DERL2: variants seen among roughly 807,000 people sequenced by gnomAD.
The protein encoded by DERL2 is derlin 2.
A neutral mutation model predicts 32.0 loss-of-function variants in DERL2; 13 were observed. The ratio of observed to expected loss-of-function variants is 0.41; its 90% CI spans 0.26 to 0.65. The LOEUF is 0.65. Ranked by LOEUF, DERL2 falls within the 30% of genes least tolerant of loss-of-function variation. The pLI is 0.35. For synonymous variants in DERL2, 111 were observed against 104.7 expected, an observed-to-expected ratio of 1.06 and a Z score of -0.37; for missense variants, 208 against 296.3, an observed-to-expected ratio of 0.70 and a Z score of 2.19.
At chr17:5,483,564 A>C (rs1423663597) in intron 2 of DERL2, among the ~76,000 whole-genome samples, 1 of 152,162 alleles carries the variant, frequency 6.6e-6, no homozygotes, top group Admixed American at 6.5e-5. Context: ...TCAATTGTAG[A>C]GTGCTTAACG....
rs982077895 is a variant in DERL2, at chr17:5,472,819, T to C, written c.*1865A>G. 6.6e-6 allele frequency: 1 copy of C among 151,518 alleles called. No homozygotes were observed. The highest frequency in any genetic ancestry group is 2.4e-5 in the African/African-American group (1 of 41,300). The allele number at this position is 151,518 out of a possible 1,614,324, so 9.4% of individuals were successfully genotyped here. On this transcript the variant is annotated 3_prime_UTR_variant, in exon 7 of 7. Transcript: ENST00000158771. ...ACAAAATTCTAACAAACGTCACTGA[T>C]AAAGCGTTCTTGAGCAAAAACAAGA...
chr17:5,484,086 T>G (rs1195295225), intron 2 of DERL2, among the ~76,000 whole-genome samples: 1 of 152,214 alleles, frequency 6.6e-6, no homozygotes, highest in African/African-American at 2.4e-5. Flanking sequence ...ACACAAAAGC[T>G]GCGTTTTGAA....
At position 5,472,153 on chromosome 17, in the gene DERL2, G is replaced by T. The variant is rs758669905; in HGVS notation, c.*2531C>A. Reference sequence around the variant, plus strand: ...ATTTATTTTTAAATGAACGTATACCGTATTTCCATAACAAACAAAAAACAC... The same window carrying T: ...ATTTATTTTTAAATGAACGTATACCTTATTTCCATAACAAACAAAAAACAC... On this transcript the variant is annotated 3_prime_UTR_variant, in exon 7 of 7. Coordinates refer to ENST00000158771, the MANE Select transcript of DERL2 (RefSeq NM_016041.5). The T allele has an allele frequency of 1.3e-5, 2 of 152,180 alleles. No homozygotes were observed. The highest frequency in any genetic ancestry group is 2.1e-4 in the South Asian group (1 of 4,824). 9.4% of individuals were successfully genotyped at this position (152,180 alleles called of 1,614,324 possible). A position where few individuals can be genotyped will look rare whatever the true frequency, so the allele number is the denominator to read the frequency against.
At chr17:5,484,516 G>A (rs1424365947) in intron 2 of DERL2, among the ~76,000 whole-genome samples, 1 of 152,232 alleles carries the variant, frequency 6.6e-6, no homozygotes, top group Non-Finnish European at 1.5e-5. Flanking sequence ...CCAAAGTGCT[G>A]GGATTACAGG....
chr17:5,482,722 A>T, intron 3 of DERL2, 87 bp downstream of exon 3: 1 of 768,350 alleles, frequency 1.3e-6, no homozygotes, highest in Non-Finnish European at 2.2e-6. Context: ...ATGGTACCAA[A>T]AACAAGTAAC....
chr17:5,482,311 G>T (rs1347069740), intron 3 of DERL2: 1 of 157,372 alleles, frequency 6.4e-6, no homozygotes, highest in Non-Finnish European at 1.4e-5. Context: ...AATTACCATT[G>T]GATCAGAGCT....
intron 6 of DERL2, among the ~76,000 whole-genome samples, chr17:5,476,552 A>T (rs1905391270): frequency 1.3e-5 from 2 of 151,944 alleles, no homozygotes; most frequent in South Asian, 2.1e-4. Flanking sequence ...GAGGCCGAGG[A>T]GGGTGGATCA....
At chr17:5,486,206 C>T (rs375059248), upstream of DERL2, 537 of 1,238,536 alleles carry the variant, frequency 4.3e-4, 3 homozygotes, top group Middle Eastern at 9.7e-3. Flanking sequence ...CCCCATTTCC[C>T]CTTCCGCCAG....
Position 5,473,557 on chromosome 17 carries a change from T to C in DERL2, c.*1127A>G, listed in dbSNP as rs1179643659. Reference sequence around the variant, plus strand: ...TGTTCGTCTGGCTCCAAAGTCAACATTCTAACTTGGTTTCCAAATCTAATG... The same window carrying C: ...TGTTCGTCTGGCTCCAAAGTCAACACTCTAACTTGGTTTCCAAATCTAATG... On this transcript the variant is annotated 3_prime_UTR_variant, in exon 7 of 7. Coordinates refer to ENST00000158771, the MANE Select transcript of DERL2 (RefSeq NM_016041.5). 1 of 151,860 alleles carries C rather than the reference T, an allele frequency of 6.6e-6. No individual in the cohort carries two copies. Among genetic ancestry groups the C allele is most frequent in the African/African-American group, 2.4e-5 (1 of 41,392 alleles). 9.4% of individuals were successfully genotyped at this position (151,860 alleles called of 1,614,324 possible). A position where few individuals can be genotyped will look rare whatever the true frequency, so the allele number is the denominator to read the frequency against.
chr17:5,479,213 C>T (rs907957387), intron 6 of DERL2, among the ~76,000 whole-genome samples: 2 of 152,224 alleles, frequency 1.3e-5, no homozygotes, highest in African/African-American at 2.4e-5. Context: ...CCTGGCTCAG[C>T]GTTTTTTAAA....
chr17:5,474,634 G>T lies in DERL2; in HGVS notation c.*50C>A. ...GCAACAAAGGATAAAAGATCCCAGT[G>T]GGTATCACCGAGTCCTTCCCAGCTG... On this transcript the variant is annotated 3_prime_UTR_variant, in exon 7 of 7. Transcript: ENST00000158771. The surrounding 1 kb of genome is among the most constrained non-coding windows in gnomAD (Gnocchi z 4.3). 1 of 1,388,470 alleles carries T rather than the reference G, an allele frequency of 7.2e-7. No individual in the cohort carries two copies. The highest frequency in any genetic ancestry group is 1.2e-5 in the South Asian group (1 of 81,628). 86.0% of individuals were successfully genotyped at this position (1,388,470 alleles called of 1,614,324 possible).
chr17:5,486,340 G>C, upstream of DERL2: 1 of 433,508 alleles, frequency 2.3e-6, no homozygotes, highest in South Asian at 3.4e-5. Context: ...CGCCAATCAC[G>C]AGTTGCGTCG....
At chr17:5,486,364 C>CT (rs909414588), upstream of DERL2, 3 of 506,916 alleles carry the variant, frequency 5.9e-6, no homozygotes, top group Non-Finnish European at 1.1e-5. Flanking sequence ...CCGCCCCCCC[C>CT]CAGCGCCCCA....
At position 5,474,427 on chromosome 17, in the gene DERL2, A is replaced by C; in HGVS notation, c.*257T>G. 1 of 371,296 alleles carries C rather than the reference A, an allele frequency of 2.7e-6. No individual in the cohort carries two copies. The highest frequency in any genetic ancestry group is 4.7e-5 in the South Asian group (1 of 21,466). 23.0% of individuals were successfully genotyped at this position (371,296 alleles called of 1,614,324 possible). ...AAAATCAAGTACTCATGTACTTGTT[A>C]GAGGTGGCAGGATATTTGTTTCTCC... On this transcript the variant is annotated 3_prime_UTR_variant, in exon 7 of 7. Coordinates refer to ENST00000158771, the MANE Select transcript of DERL2 (RefSeq NM_016041.5). The surrounding 1 kb of genome is among the most constrained non-coding windows in gnomAD (Gnocchi z 4.3).
chr17:5,485,505 A>G (rs1362272568), intron 1 of DERL2, among the ~76,000 whole-genome samples: 1 of 152,214 alleles, frequency 6.6e-6, no homozygotes. Flanking sequence ...ACACAGGACA[A>G]ATAAAAACAG....
chr17:5,477,081 T>A (rs1301988014), intron 6 of DERL2, among the ~76,000 whole-genome samples: 1 of 152,104 alleles, frequency 6.6e-6, no homozygotes, highest in African/African-American at 2.4e-5. Context: ...GGTAAAACAT[T>A]AATCATAATA....
chr17:5,474,597 G>A lies in DERL2; in HGVS notation c.*87C>T, dbSNP rs1350225925. ...TAAAATCTGCCAAGCTGTCAAAAGT[G>A]TCCACACTTTTGCAACAAAGGATAA... On this transcript the variant is annotated 3_prime_UTR_variant, in exon 7 of 7. Transcript: ENST00000158771. This position sits in a 1 kb window ranked among gnomAD's most constrained non-coding sequence, Gnocchi z 4.3. The A allele has an allele frequency of 8.9e-6, 9 of 1,014,114 alleles. No homozygotes were observed. The highest frequency in any genetic ancestry group is 2.4e-5 in the Admixed American group (1 of 41,966). 62.8% of individuals were successfully genotyped at this position (1,014,114 alleles called of 1,614,324 possible). A position where few individuals can be genotyped will look rare whatever the true frequency, so the allele number is the denominator to read the frequency against.
At position 5,483,827 on chromosome 17, in the gene DERL2, A is replaced by G. The variant is rs536131378; in HGVS notation, c.160-945T>C. Among the ~76,000 whole-genome samples, 10 of 152,360 alleles carry G rather than the reference A, an allele frequency of 6.6e-5. 2 individuals are homozygous for G. The South Asian group carries it at 1.4e-3, about 22-fold the overall frequency. On this transcript the variant is annotated intron_variant, in intron 2 of 6. Transcript: ENST00000158771. ...AGAGTAAAGCCAAGTAGGAAGCAAG[A>G]CTTACTTGGATGGAACTACAGCGCC... is the stretch of plus-strand genomic sequence containing the variant.
chr17:5,483,942 G>A (rs1382917887), intron 2 of DERL2, among the ~76,000 whole-genome samples: 1 of 152,194 alleles, frequency 6.6e-6, no homozygotes, highest in Non-Finnish European at 1.5e-5. Flanking sequence ...TATTAAAGTT[G>A]AAACAATTCA....
Sources: gnomAD v4.1 joint callset for allele counts (sites outside exome capture counted in the v4.1 genomes callset) on GRCh38, gnomAD v4.1.1 for gene constraint, Gnocchi (gnomAD v3.1) non-coding constraint, MANE v1.5 for transcripts, NCBI Gene and HGNC (gene_info 2026-07-23, HGNC 2026-07-21) for gene names.